ASPRV1: variants seen among roughly 807,000 people sequenced by gnomAD.
ASPRV1 encodes aspartic peptidase retroviral like 1, also known as retroviral-like aspartic protease 1.
A neutral mutation model predicts 11.0 loss-of-function variants in ASPRV1; 7 were observed. The ratio of observed to expected loss-of-function variants is 0.64; its 90% CI spans 0.36 to 1.20. The LOEUF is 1.20. Ranked by LOEUF, ASPRV1 falls within the 50% of genes most tolerant of loss-of-function variation. The probability of loss-of-function intolerance (pLI) is 0.02; values close to 1 mark genes in which losing one functional copy is unlikely to be tolerated. For synonymous variants in ASPRV1, 136 were observed against 138.4 expected, an observed-to-expected ratio of 0.98 and a Z score of 0.12; for missense variants, 299 against 320.0, an observed-to-expected ratio of 0.93 and a Z score of 0.50.
chr2:70,068,519 T>C, the ASPRV1 span, among the ~76,000 whole-genome samples: 2 of 152,004 alleles, frequency 1.3e-5, no homozygotes, highest in Admixed American at 1.3e-4. Context: ...AAAGCACCAA[T>C]TCCAAAAGGC....
At chr2:70,053,520 A>G in the ASPRV1 span, among the ~76,000 whole-genome samples, 62 of 152,230 alleles carry the variant, frequency 4.1e-4, no homozygotes, top group East Asian at 0.011. Context: ...AAAAAGTAAA[A>G]TCACTTTTAT....
At chr2:69,948,426 T>G in the ASPRV1 span, among the ~76,000 whole-genome samples, 1 of 152,230 alleles carries the variant, frequency 6.6e-6, no homozygotes, top group Non-Finnish European at 1.5e-5. Context: ...CAGTCGGGTA[T>G]GGATGGCACA....
At chr2:69,990,175 T>C in the ASPRV1 span, among the ~76,000 whole-genome samples, 1 of 152,154 alleles carries the variant, frequency 6.6e-6, no homozygotes, top group Admixed American at 6.6e-5. Flanking sequence ...TGTTTGTTTA[T>C]GTATTTTTAT....
the ASPRV1 span, among the ~76,000 whole-genome samples, chr2:69,973,117 T>A: frequency 1.3e-5 from 2 of 152,194 alleles, no homozygotes; most frequent in Non-Finnish European, 2.9e-5. Context: ...CATACATTTA[T>A]GATAAATTTT....
chr2:70,067,070 T>TTA, the ASPRV1 span, among the ~76,000 whole-genome samples: 1 of 152,216 alleles, frequency 6.6e-6, no homozygotes, highest in East Asian at 1.9e-4. Context: ...TCTAAGCATC[T>TTA]TATATATATT....
the ASPRV1 span, among the ~76,000 whole-genome samples, chr2:70,052,501 A>T: frequency 6.6e-6 from 1 of 152,196 alleles, no homozygotes; most frequent in Non-Finnish European, 1.5e-5. Flanking sequence ...GTAAGGGTCC[A>T]GGCTGAGTGC....
chr2:70,023,451 G>C, the ASPRV1 span, among the ~76,000 whole-genome samples: 1 of 152,174 alleles, frequency 6.6e-6, no homozygotes, highest in Non-Finnish European at 1.5e-5. Context: ...CTCTCTCTCT[G>C]CAGTAGATGC....
chr2:70,040,206 T>A, the ASPRV1 span, among the ~76,000 whole-genome samples: 1 of 151,944 alleles, frequency 6.6e-6, no homozygotes, highest in African/African-American at 2.4e-5. Context: ...AGAGACAGTA[T>A]ATAGAGGGAG....
At chr2:70,058,890 T>C in the ASPRV1 span, among the ~76,000 whole-genome samples, 12 of 142,222 alleles carry the variant, frequency 8.4e-5, no homozygotes, top group African/African-American at 3.2e-4. Context: ...AACTTTTTTT[T>C]TTTTTTTTTT....
the ASPRV1 span, among the ~76,000 whole-genome samples, chr2:70,026,934 T>TACC: frequency 6.6e-6 from 1 of 152,038 alleles, no homozygotes; most frequent in East Asian, 1.9e-4. Context: ...GGCATCGCAC[T>TACC]ACCTGACTTC....
chr2:70,052,557 G>A, the ASPRV1 span, among the ~76,000 whole-genome samples: 1 of 152,106 alleles, frequency 6.6e-6, no homozygotes, highest in East Asian at 1.9e-4. Flanking sequence ...CCCATTCACT[G>A]ATCCTCCTCC....
the ASPRV1 span, among the ~76,000 whole-genome samples, chr2:69,945,638 C>T: frequency 6.6e-6 from 1 of 152,222 alleles, no homozygotes; most frequent in Admixed American, 6.5e-5. Context: ...GCTGAAGCTT[C>T]CGGGAGCCTC....
At chr2:69,985,889 C>A in the ASPRV1 span, among the ~76,000 whole-genome samples, 2 of 152,176 alleles carry the variant, frequency 1.3e-5, no homozygotes, top group Non-Finnish European at 2.9e-5. Context: ...CACACACCTA[C>A]GTAAGCACAA....
At chr2:70,038,816 C>T in the ASPRV1 span, among the ~76,000 whole-genome samples, 1 of 152,148 alleles carries the variant, frequency 6.6e-6, no homozygotes, top group South Asian at 2.1e-4. Flanking sequence ...GGGTGGCTTA[C>T]GCCTGTAATC....
the ASPRV1 span, among the ~76,000 whole-genome samples, chr2:70,061,973 A>C: frequency 1.3e-5 from 2 of 149,400 alleles, no homozygotes; most frequent in Non-Finnish European, 3.0e-5. Flanking sequence ...CAAAAAAAAA[A>C]AAAAGGAGAA....
At chr2:70,055,372 G>A in the ASPRV1 span, among the ~76,000 whole-genome samples, 1 of 152,032 alleles carries the variant, frequency 6.6e-6, no homozygotes. Context: ...ACAAAGACAT[G>A]GAACCAACCC....
chr2:70,069,584 C>T, the ASPRV1 span, among the ~76,000 whole-genome samples: 1 of 152,098 alleles, frequency 6.6e-6, no homozygotes, highest in Non-Finnish European at 1.5e-5. Flanking sequence ...ACTGAGATAC[C>T]AGGGAACTTG....
the ASPRV1 span, among the ~76,000 whole-genome samples, chr2:70,004,135 C>T: frequency 6.6e-6 from 1 of 152,126 alleles, no homozygotes; most frequent in South Asian, 2.1e-4. Context: ...TTGGCCAAGG[C>T]TCCAATTCTT....
the ASPRV1 span, chr2:69,970,942 AG>A: frequency 6.6e-6 from 1 of 152,250 alleles, no homozygotes; most frequent in Non-Finnish European, 1.5e-5. Flanking sequence ...CGAGGCGGGC[AG>A]ATCACCTGAG....
Sources: allele counts gnomAD v4.1 joint callset (sites outside exome capture counted in the v4.1 genomes callset), GRCh38; gene constraint gnomAD v4.1.1; transcripts MANE v1.5; gene names NCBI Gene and HGNC (gene_info 2026-07-23, HGNC 2026-07-21).